Variants in KCNIP4 observed in about 807,000 individuals in gnomAD.
KCNIP4 encodes the protein Kv channel-interacting protein 4.
Under a neutral mutation model 34.0 loss-of-function variants are expected in KCNIP4, and 12 were observed. The observed-to-expected ratio is 0.35, with a 90% CI of 0.23 to 0.57. The LOEUF is 0.57. Ranked by LOEUF, KCNIP4 falls within the 20% of genes least tolerant of loss-of-function variation. The pLI is 0.83. For missense variants in KCNIP4, 238 were observed against 311.7 expected (o/e 0.76, Z 1.78); for synonymous variants, 124 against 102.2 (o/e 1.21, Z -1.29).
At chr4:21,490,356 A>C (rs1294508586) in intron 1 of KCNIP4, among the ~76,000 whole-genome samples, 1 of 152,144 alleles carries the variant, frequency 6.6e-6, no homozygotes, top group East Asian at 1.9e-4. Context: ...ATATTTACTT[A>C]CTTTCATGGA....
chr4:21,230,842 A>T (rs1295158799), intron 1 of KCNIP4, among the ~76,000 whole-genome samples: 1 of 152,168 alleles, frequency 6.6e-6, no homozygotes, highest in Non-Finnish European at 1.5e-5. Context: ...ATGTATCTTT[A>T]TAATAGAATG....
chr4:20,921,639 A>G (rs1313737441), intron 1 of KCNIP4, among the ~76,000 whole-genome samples: 2 of 152,248 alleles, frequency 1.3e-5, no homozygotes, highest in African/African-American at 4.8e-5. Flanking sequence ...TCCATTATTT[A>G]ATTTAAAAAA....
chr4:21,825,940 C>A (rs1722655089), intron 1 of KCNIP4, among the ~76,000 whole-genome samples: 2 of 152,134 alleles, frequency 1.3e-5, no homozygotes, highest in East Asian at 3.9e-4. Context: ...TAAGATGAGA[C>A]CCGAATAAAA....
chr4:21,491,300 T>C (rs1170123166), intron 1 of KCNIP4, among the ~76,000 whole-genome samples: 1 of 152,156 alleles, frequency 6.6e-6, no homozygotes, highest in Admixed American at 6.5e-5. Flanking sequence ...TTTTTTGCCT[T>C]TGCCAACAAC....
At chr4:21,252,756 CTT>C (rs5856614) in intron 1 of KCNIP4, among the ~76,000 whole-genome samples, 7,544 of 132,162 alleles carry the variant, frequency 0.057, 264 homozygotes, top group African/African-American at 0.13. Context: ...GGCAAATCCT[CTT>C]TTTTTTTTTT....
In KCNIP4 at chr4:20,961,058, T is replaced by G. The variant is rs16870278; in HGVS notation, c.62-78349A>C. 6.9e-3 allele frequency among the ~76,000 whole-genome samples: 1,053 copies of G among 152,280 alleles called. 15 individuals carry two copies. The highest frequency in any genetic ancestry group is 0.024 in the African/African-American group (990 of 41,552). ...ATAACTTTCTGAATACTGAGGGATA[T>G]TTTCCTATTGCTTTTCCACTTCATA... On this transcript the variant is annotated intron_variant, in intron 1 of 8. Transcript: ENST00000382152.
chr4:20,883,006 T>C (rs1191613806), intron 1 of KCNIP4, among the ~76,000 whole-genome samples: 1 of 82,394 alleles, frequency 1.2e-5, no homozygotes, highest in Non-Finnish European at 2.2e-5. Context: ...AAAAATCTGG[T>C]GGTTTTTTTT....
Position 21,350,125 on chromosome 4 carries a change from T to C in KCNIP4, c.62-467416A>G, listed in dbSNP as rs142709960. Among the ~76,000 whole-genome samples, 792 of 152,284 alleles carry C rather than the reference T, an allele frequency of 5.2e-3. 3 individuals are homozygous for C. Among genetic ancestry groups the C allele is most frequent in the African/African-American group, 0.018 (742 of 41,574 alleles). On this transcript the variant is annotated intron_variant, in intron 1 of 8. Transcript: ENST00000382152. ...AAAGTAAATTATTCACCAATTTTGG[T>C]ATGTTATCATTAGTAATAAATTATT...
At chr4:21,038,295 C>A (rs113170523) in intron 1 of KCNIP4, among the ~76,000 whole-genome samples, 4 of 152,078 alleles carry the variant, frequency 2.6e-5, no homozygotes, top group Admixed American at 6.6e-5. Context: ...TCTGTAACTT[C>A]CACAATGAAA....
intron 1 of KCNIP4, among the ~76,000 whole-genome samples, chr4:21,769,777 C>T (rs1441765616): frequency 6.6e-6 from 1 of 151,542 alleles, no homozygotes; most frequent in Non-Finnish European, 1.5e-5. Context: ...TATTAATGGG[C>T]TAGCCATCTC....
chr4:21,873,678 C>A (rs1046633652), intron 1 of KCNIP4, among the ~76,000 whole-genome samples: 1 of 152,098 alleles, frequency 6.6e-6, no homozygotes, highest in Non-Finnish European at 1.5e-5. Context: ...CCAACCACAA[C>A]AAAATTATAA....
chr4:21,735,902 C>T (rs1034631463), intron 1 of KCNIP4, among the ~76,000 whole-genome samples: 3 of 152,174 alleles, frequency 2.0e-5, no homozygotes, highest in African/African-American at 7.2e-5. Context: ...CACCTATTTT[C>T]TAGTTTTCAC....
chr4:21,612,497 A>C (rs1046877329), intron 1 of KCNIP4, among the ~76,000 whole-genome samples: 1 of 152,230 alleles, frequency 6.6e-6, no homozygotes, highest in African/African-American at 2.4e-5. Context: ...GAATCATGGA[A>C]TTTTAAAGGA....
chr4:21,567,551 T>C (rs1164461545), intron 1 of KCNIP4, among the ~76,000 whole-genome samples: 2 of 152,188 alleles, frequency 1.3e-5, no homozygotes, highest in African/African-American at 2.4e-5. Context: ...AACACTAAGT[T>C]GTATCAGCTA....
intron 1 of KCNIP4, among the ~76,000 whole-genome samples, chr4:21,832,584 ATT>A (rs5856672): frequency 0.53 from 79,262 of 150,418 alleles, 22,095 homozygotes; most frequent in East Asian, 0.72. Context: ...TATTTTTTTT[ATT>A]TTTTTTTTTA....
intron 1 of KCNIP4, among the ~76,000 whole-genome samples, chr4:21,118,307 A>C (rs926183939): frequency 1.2e-4 from 18 of 152,134 alleles, no homozygotes; most frequent in Non-Finnish European, 2.1e-4. Flanking sequence ...AGCCTAGAGC[A>C]GGTAGGTCTT....
chr4:21,104,303 G>A (rs1199635361), intron 1 of KCNIP4, among the ~76,000 whole-genome samples: 1 of 152,066 alleles, frequency 6.6e-6, no homozygotes, highest in Non-Finnish European at 1.5e-5. Context: ...GTGTGAGATG[G>A]TATCTCATTG....
intron 1 of KCNIP4, among the ~76,000 whole-genome samples, chr4:21,807,532 G>A (rs957942428): frequency 2.0e-5 from 3 of 152,094 alleles, no homozygotes; most frequent in African/African-American, 7.2e-5. Context: ...CACGTTAATG[G>A]CTACTTATTG....
rs555745078 is a variant in KCNIP4, at chr4:21,800,634, T to A, written c.61+147937A>T. On this transcript the variant is annotated intron_variant, in intron 1 of 8. Transcript: ENST00000382152. ...ATGTACATTTTCTGTTTTCGATGAA[T>A]GGTTTCTACTTTCATCATCATTCAC... Among the ~76,000 whole-genome samples the A allele has an allele frequency of 8.9e-4, 135 of 152,262 alleles. No individual in the cohort carries two copies. In the South Asian group the frequency reaches 0.027, roughly 30 times the overall value.
Sources: allele counts gnomAD v4.1 joint callset (sites outside exome capture counted in the v4.1 genomes callset), GRCh38; gene constraint gnomAD v4.1.1; transcripts MANE v1.5; gene names NCBI Gene and HGNC (gene_info 2026-07-23, HGNC 2026-07-21).